CATSPERE: variants seen among roughly 807,000 people sequenced by gnomAD.
CATSPERE encodes the protein catsper channel auxiliary subunit epsilon, also known as cation channel sperm-associated auxiliary subunit epsilon.
CATSPERE carries 93 observed loss-of-function variants against 114.1 expected under a neutral mutation model. The ratio of observed to expected loss-of-function variants is 0.81; its 90% CI spans 0.69 to 0.97. CATSPERE has a LOEUF of 0.97. CATSPERE is among the 50% of genes least tolerant of loss of function. The pLI, the probability that CATSPERE is intolerant of heterozygous loss-of-function variation, is 0.00. For synonymous variants in CATSPERE, 341 were observed against 384.1 expected (o/e 0.89, Z 1.31); for missense variants, 1,058 against 1,131.6 (o/e 0.93, Z 0.93).
chr1:244,595,801 C>T (rs569578903), intron 17 of CATSPERE, among the ~76,000 whole-genome samples: 10 of 152,200 alleles, frequency 6.6e-5, no homozygotes, highest in South Asian at 2.1e-4. Flanking sequence ...GGCGTGGTGG[C>T]GGGCACCTGT....
chr1:244,566,465 CTT>C (rs974992736), intron 10 of CATSPERE, among the ~76,000 whole-genome samples: 7 of 151,932 alleles, frequency 4.6e-5, no homozygotes, highest in Non-Finnish European at 1.0e-4. Flanking sequence ...GTCTAAGTCT[CTT>C]TGTAGGTCTC....
intron 6 of CATSPERE, among the ~76,000 whole-genome samples, chr1:244,490,927 T>C (rs1672010040): frequency 6.6e-6 from 1 of 152,176 alleles, no homozygotes; most frequent in South Asian, 2.1e-4. Flanking sequence ...TAATTTGTTA[T>C]ATAGTAAATA....
At chr1:244,580,072 T>C (rs976110000) in intron 11 of CATSPERE, among the ~76,000 whole-genome samples, 3 of 152,162 alleles carry the variant, frequency 2.0e-5, no homozygotes, top group Non-Finnish European at 4.4e-5. Flanking sequence ...GGTCTCACTC[T>C]GTCATCCAGG....
At chr1:244,451,549 G>T, upstream of CATSPERE, 1 of 1,427,320 alleles carries the variant, frequency 7.0e-7, no homozygotes, top group Non-Finnish European at 9.4e-7. The surrounding 1 kb of genome is among the most constrained non-coding windows in gnomAD (Gnocchi z 6.6). Context: ...GTGGATCCGG[G>T]TTCTGGGTCC....
intron 11 of CATSPERE, 27 bp downstream of exon 11, chr1:244,572,799 T>A: frequency 6.9e-7 from 1 of 1,440,702 alleles, no homozygotes; most frequent in Admixed American, 2.3e-5. Context: ...AATTTCTTCA[T>A]TTGATTTTAA....
rs3124068 is a variant in CATSPERE, at chr1:244,518,011, A to C, written c.430-581A>C. On this transcript the variant is annotated intron_variant, in intron 7 of 21. Coordinates refer to ENST00000366534, the MANE Select transcript of CATSPERE (RefSeq NM_001130957.2). ...ATAGAATTCTAGACTAGCCCTCATCATCTGATTTTTTAATTCTAGAAATTT... is the reference window on the plus strand; with the variant it reads ...ATAGAATTCTAGACTAGCCCTCATCCTCTGATTTTTTAATTCTAGAAATTT... Among the ~76,000 whole-genome samples, 1,101 of 152,294 alleles carry C rather than the reference A, an allele frequency of 7.2e-3. 14 individuals carry two copies. Among genetic ancestry groups the C allele is most frequent in the African/African-American group, 0.025 (1,026 of 41,550 alleles).
In CATSPERE at chr1:244,640,292, CT is replaced by C; in HGVS notation, c.*213del. ...GTTATTAAATTAATCCTTTGTTTGC[CT>C]TCATTTTAAAGATACTCTATGTACT... On this transcript the variant is annotated 3_prime_UTR_variant, in exon 22 of 22. Transcript: ENST00000366534. The C allele has an allele frequency of 2.6e-6, 1 of 378,764 alleles. No homozygotes were observed. 23.5% of individuals were successfully genotyped at this position (378,764 alleles called of 1,614,324 possible). A position where few individuals can be genotyped will look rare whatever the true frequency, so the allele number is the denominator to read the frequency against.
intron 17 of CATSPERE, among the ~76,000 whole-genome samples, chr1:244,599,806 A>G (rs1435445266): frequency 2.0e-5 from 3 of 152,214 alleles, no homozygotes; most frequent in Non-Finnish European, 4.4e-5. Context: ...TGGTGAGAAG[A>G]GAAGCCAGAC....
chr1:244,591,783 T>C, intron 15 of CATSPERE, 52 bp downstream of exon 15: 1 of 1,068,902 alleles, frequency 9.4e-7, no homozygotes, highest in Non-Finnish European at 1.4e-6. Flanking sequence ...GTAGTACCAA[T>C]ACTTTACAAT....
At chr1:244,489,690 G>A (rs1244571804) in intron 5 of CATSPERE, among the ~76,000 whole-genome samples, 1 of 151,914 alleles carries the variant, frequency 6.6e-6, no homozygotes, top group Non-Finnish European at 1.5e-5. Flanking sequence ...GGAGGCCTTG[G>A]TGTCAACTTG....
intron 7 of CATSPERE, among the ~76,000 whole-genome samples, chr1:244,516,589 T>C (rs953334359): frequency 2.8e-4 from 42 of 151,340 alleles, no homozygotes; most frequent in Admixed American, 2.2e-3. Context: ...TGGCACGATA[T>C]CAACTCACTG....
intron 7 of CATSPERE, among the ~76,000 whole-genome samples, chr1:244,509,782 A>G (rs1351378676): frequency 2.0e-5 from 3 of 152,096 alleles, no homozygotes; most frequent in East Asian, 1.9e-4. Context: ...CAGGTTTTCT[A>G]TTTCTTCCTG....
rs1673070756 is a variant in CATSPERE, at chr1:244,496,280, TA to T, written c.352-2718del. Among the ~76,000 whole-genome samples the T allele has an allele frequency of 2.6e-5, 4 of 152,096 alleles. No individual in the cohort carries two copies. The South Asian group carries it at 8.3e-4, about 32-fold the overall frequency. On this transcript the variant is annotated intron_variant, in intron 6 of 21. Coordinates refer to ENST00000366534, the MANE Select transcript of CATSPERE (RefSeq NM_001130957.2). ...CTTTAAAGAATCAAAGAGCTGTGAG[TA>T]AAATGAAATCTAAAGGTGTTACATT...
intron 19 of CATSPERE, among the ~76,000 whole-genome samples, chr1:244,614,761 A>G (rs1671162756): frequency 6.6e-6 from 1 of 152,168 alleles, no homozygotes; most frequent in African/African-American, 2.4e-5. Flanking sequence ...TTACCAGAAT[A>G]TAAAGGGTAA....
At chr1:244,531,685 G>T (rs1343840875) in intron 8 of CATSPERE, among the ~76,000 whole-genome samples, 1 of 152,006 alleles carries the variant, frequency 6.6e-6, no homozygotes, top group Admixed American at 6.5e-5. Flanking sequence ...AATCCCACTT[G>T]GTCATAATGA....
In CATSPERE at chr1:244,633,113, A is replaced by G. The variant is rs1401565781; in HGVS notation, c.2649-2376A>G. Among the ~76,000 whole-genome samples the G allele has an allele frequency of 6.6e-6, 1 of 152,226 alleles. No homozygotes were observed. The highest frequency in any genetic ancestry group is 1.5e-5 in the Non-Finnish European group (1 of 68,042). ...TTTACCTTTAAAACAGCTTCAAAAT[A>G]CATGAAACAAAAACGGATAGAACTA... On this transcript the variant is annotated intron_variant, in intron 20 of 21. Transcript: ENST00000366534. The surrounding 1 kb of genome is among the most constrained non-coding windows in gnomAD (Gnocchi z 4.1).
At chr1:244,558,098 G>A (rs775695857) in intron 9 of CATSPERE, among the ~76,000 whole-genome samples, 1 of 149,968 alleles carries the variant, frequency 6.7e-6, no homozygotes, top group Non-Finnish European at 1.5e-5. Flanking sequence ...TTACAGGCAT[G>A]AGCCACCATG....
Position 244,573,653 on chromosome 1 carries a change from C to A in CATSPERE, c.1950+881C>A, listed in dbSNP as rs12116998. Reference sequence around the variant, plus strand: ...TCTAGTGTTATCCTCCAGACTAGACCTGGCTTCTTCTGTGGCAGTCTCAGG... The same window carrying A: ...TCTAGTGTTATCCTCCAGACTAGACATGGCTTCTTCTGTGGCAGTCTCAGG... On this transcript the variant is annotated intron_variant, in intron 11 of 21. Coordinates refer to ENST00000366534, the MANE Select transcript of CATSPERE (RefSeq NM_001130957.2). This position sits in a 1 kb window ranked among gnomAD's most constrained non-coding sequence, Gnocchi z 4.0. 0.036 allele frequency among the ~76,000 whole-genome samples: 5,514 copies of A among 152,176 alleles called. 148 individuals are homozygous for A. Among genetic ancestry groups the A allele is most frequent in the Admixed American group, 0.078 (1,195 of 15,292 alleles).
At chr1:244,549,972 C>T (rs944405609) in intron 8 of CATSPERE, among the ~76,000 whole-genome samples, 7 of 152,136 alleles carry the variant, frequency 4.6e-5, no homozygotes, top group African/African-American at 1.2e-4. Context: ...AGCGAATGCA[C>T]GCTGTCTTCT....
Sources: gnomAD v4.1 joint callset for allele counts (sites outside exome capture counted in the v4.1 genomes callset) on GRCh38, gnomAD v4.1.1 for gene constraint, Gnocchi (gnomAD v3.1) non-coding constraint, MANE v1.5 for transcripts, NCBI Gene and HGNC (gene_info 2026-07-23, HGNC 2026-07-21) for gene names.